TTYH1: variants seen among roughly 807,000 people sequenced by gnomAD.
TTYH1 encodes the protein tweety family member 1, also known as protein tweety homolog 1.
TTYH1 carries 33 observed loss-of-function variants against 61.2 expected under a neutral mutation model. That is an observed-to-expected ratio of 0.54 (90% CI 0.41 to 0.72). The LOEUF (loss-of-function observed/expected upper bound fraction) is 0.72. Ranked by LOEUF, TTYH1 falls within the 30% of genes least tolerant of loss-of-function variation. The pLI, the probability that TTYH1 is intolerant of heterozygous loss-of-function variation, is 0.00. For synonymous variants in TTYH1, 308 were observed against 266.4 expected, an observed-to-expected ratio of 1.16 and a Z score of -1.52; for missense variants, 538 against 575.8, an observed-to-expected ratio of 0.93 and a Z score of 0.67.
Position 54,429,520 on chromosome 19 carries a change from C to T in TTYH1, c.807+141C>T. The T allele has an allele frequency of 1.3e-6, 1 of 787,180 alleles. No homozygotes were observed. The highest frequency in any genetic ancestry group is 1.6e-5 in the South Asian group (1 of 62,880). 48.8% of individuals were successfully genotyped at this position (787,180 alleles called of 1,614,324 possible). A position where few individuals can be genotyped will look rare whatever the true frequency, so the allele number is the denominator to read the frequency against. On this transcript the variant is annotated intron_variant, in intron 6 of 13. Coordinates refer to ENST00000376530, the MANE Select transcript of TTYH1 (RefSeq NM_020659.4). This position sits in a 1 kb window ranked among gnomAD's most constrained non-coding sequence, Gnocchi z 5.1. ...AGCTCTGAGGTTTAGGGCTTGTTTC[C>T]TGGGGCCTGAGTGGGTACAGATTGG...
Position 54,436,668 on chromosome 19 carries a change from T to C in TTYH1, c.*378T>C. 2.0e-6 allele frequency: 1 copy of C among 501,922 alleles called. No individual in the cohort carries two copies. The highest frequency in any genetic ancestry group is 3.6e-6 in the Non-Finnish European group (1 of 280,456). 31.1% of individuals were successfully genotyped at this position (501,922 alleles called of 1,614,324 possible). A position where few individuals can be genotyped will look rare whatever the true frequency, so the allele number is the denominator to read the frequency against. On this transcript the variant is annotated 3_prime_UTR_variant, in exon 14 of 14. Coordinates refer to ENST00000376530, the MANE Select transcript of TTYH1 (RefSeq NM_020659.4). This position sits in a 1 kb window ranked among gnomAD's most constrained non-coding sequence, Gnocchi z 4.3. ...ACCCCCTGATCTCAACTCGTGGCAC[T>C]AACTTGGAAAAGGGTTGATTTAAAA... is the stretch of plus-strand genomic sequence containing the variant.
In TTYH1 at chr19:54,416,599, C is replaced by T. The variant is rs530952348; in HGVS notation, c.126+921C>T. ...CCCTGGGCTCCGTCTTGGGTTGCTC[C>T]TGGGAGAAGGGGGCTGGGATTGGAG... On this transcript the variant is annotated intron_variant, in intron 1 of 13. Coordinates refer to ENST00000376530, the MANE Select transcript of TTYH1 (RefSeq NM_020659.4). The surrounding 1 kb of genome is among the most constrained non-coding windows in gnomAD (Gnocchi z 7.0). 1 of 503,254 alleles carries T rather than the reference C, an allele frequency of 2.0e-6. No homozygotes were observed. Among genetic ancestry groups the T allele is most frequent in the South Asian group, 1.9e-5 (1 of 51,434 alleles). The allele number at this position is 503,254 out of a possible 1,614,324, so 31.2% of individuals were successfully genotyped here. A position where few individuals can be genotyped will look rare whatever the true frequency, so the allele number is the denominator to read the frequency against.
chr19:54,419,290 G>A lies in TTYH1; in HGVS notation c.289G>A (p.Ala97Thr), dbSNP rs1171665390. The A allele has an allele frequency of 1.2e-5, 19 of 1,598,310 alleles. No homozygotes were observed. Among genetic ancestry groups the A allele is most frequent in the East Asian group, 6.7e-5 (3 of 44,750 alleles). The change falls in exon 2 of 14, where the codon GCC becomes ACC. Residue 97 changes from alanine to threonine, a missense_variant. Physicochemically the swap from Ala to Thr is moderately conservative, Grantham distance 58. This residue lies in a region of TTYH1 where 157 missense variants were observed against 157.0 expected (regional missense o/e 1.00). Transcript: ENST00000376530. This position sits in a 1 kb window ranked among gnomAD's most constrained non-coding sequence, Gnocchi z 6.1. The part of the protein sequence containing the change: ...GGCVTWSCIV[A>T]LLAGCTGIGI... ...CTGCGTCACCTGGAGCTGCATTGTC[G>A]CCCTTCTCGCCGGCTGGTAATGGGG...
chr19:54,426,379 A>G, intron 4 of TTYH1: 2 of 442,816 alleles, frequency 4.5e-6, no homozygotes, highest in Admixed American at 7.9e-5. Context: ...CTCGGAGAGA[A>G]CACATCACGT....
chr19:54,419,262 A>T lies in TTYH1; in HGVS notation c.261A>T (p.Gly87=). The T allele has an allele frequency of 6.3e-7, 1 of 1,581,490 alleles. No individual in the cohort carries two copies. Among genetic ancestry groups the T allele is most frequent in the Non-Finnish European group, 8.6e-7 (1 of 1,164,332 alleles). ...PPGSKIPSPG[G]GCVTWSCIVA... is the part of the protein sequence containing the mutation. ...GGTCCAAGATCCCCTCGCCCGGGGG[A>T]GGCTGCGTCACCTGGAGCTGCATTG... Residue 87 remains glycine, a synonymous_variant, in exon 2 of 14, where the codon GGA becomes GGT. Transcript: ENST00000376530. The surrounding 1 kb of genome is among the most constrained non-coding windows in gnomAD (Gnocchi z 6.1).
chr19:54,421,256 TCTCC>T lies in TTYH1; in HGVS notation c.306-16_306-13del. 2.6e-6 allele frequency: 4 copies of T among 1,561,762 alleles called. No individual in the cohort carries two copies. The highest frequency in any genetic ancestry group is 2.2e-5 in the East Asian group (1 of 44,598). On this transcript the variant is annotated splice_polypyrimidine_tract_variant and intron_variant, in intron 2 of 13. Coordinates refer to ENST00000376530, the MANE Select transcript of TTYH1 (RefSeq NM_020659.4). This position sits in a 1 kb window ranked among gnomAD's most constrained non-coding sequence, Gnocchi z 4.8. ...GGGTCCTGGGACCCGCTGAGATTCC[TCTCC>T]CTCCTCCTCCGCTCAGCACTGGCAT...
At chr19:54,425,917 T>A (rs1210535272) in intron 4 of TTYH1, among the ~76,000 whole-genome samples, 1 of 152,016 alleles carries the variant, frequency 6.6e-6, no homozygotes, top group African/African-American at 2.4e-5. Flanking sequence ...GGTTTCACCA[T>A]GTTGGCCAGG....
In TTYH1 at chr19:54,435,858, C is replaced by T; in HGVS notation, c.1299C>T (p.Asp433=). 1 of 1,611,130 alleles carries T rather than the reference C, an allele frequency of 6.2e-7. No individual in the cohort carries two copies. The highest frequency in any genetic ancestry group is 8.5e-7 in the Non-Finnish European group (1 of 1,179,970). The part of the protein sequence containing the change: ...SDDYDDTDDD[D]PFNPQESKRF... ...ACTACGATGACACAGACGATGACGA[C>T]CCTTTCAACCCTCAGGTACTGGATG... The change falls in exon 12 of 14, where the codon GAC becomes GAT. Residue 433 remains aspartate (D), a synonymous_variant. Transcript: ENST00000376530.
intron 4 of TTYH1, among the ~76,000 whole-genome samples, chr19:54,425,828 G>T (rs570509885): frequency 3.3e-5 from 5 of 152,042 alleles, no homozygotes; most frequent in South Asian, 2.1e-4. Flanking sequence ...TGATTCTCCT[G>T]CCTCAGCCTC....
chr19:54,430,912 G>A lies in TTYH1; in HGVS notation c.1032+7G>A. 6.2e-7 allele frequency: 1 copy of A among 1,611,608 alleles called. No individual in the cohort carries two copies. The highest frequency in any genetic ancestry group is 8.5e-7 in the Non-Finnish European group (1 of 1,179,746). ...TCAGTTCCCTTCAGCGCAGGTCGGT[G>A]GGTGGGCGCTCCCCAGACACGCGGA... On this transcript the variant is annotated splice_region_variant and intron_variant, in intron 9 of 13. Coordinates refer to ENST00000376530, the MANE Select transcript of TTYH1 (RefSeq NM_020659.4).
Position 54,436,005 on chromosome 19 carries a change from AG to A in TTYH1, c.1315-83del. The stretch of plus-strand genomic sequence containing the variant: ...GCTGGGGCCCGGACTCCTGGGTCTG[AG>A]GGAGGAGGGGCTGGGGTCCCACAGT... On this transcript the variant is annotated intron_variant, in intron 12 of 13. Coordinates refer to ENST00000376530, the MANE Select transcript of TTYH1 (RefSeq NM_020659.4). The surrounding 1 kb of genome is among the most constrained non-coding windows in gnomAD (Gnocchi z 4.3). The A allele has an allele frequency of 1.3e-6, 2 of 1,574,760 alleles. No individual in the cohort carries two copies. The highest frequency in any genetic ancestry group is 1.7e-6 in the Non-Finnish European group (2 of 1,146,000).
In TTYH1 at chr19:54,416,208, C is replaced by CT; in HGVS notation, c.126+531dup. The CT allele has an allele frequency of 1.8e-6, 1 of 541,686 alleles. No homozygotes were observed. The highest frequency in any genetic ancestry group is 3.1e-6 in the Non-Finnish European group (1 of 319,584). 33.6% of individuals were successfully genotyped at this position (541,686 alleles called of 1,614,324 possible). A position where few individuals can be genotyped will look rare whatever the true frequency, so the allele number is the denominator to read the frequency against. ...GGGCTTCAGGGGCTGAGGACCAGGG[C>CT]TGGAAAATGAAGGGGCTCTGGGAGA... On this transcript the variant is annotated intron_variant, in intron 1 of 13. Transcript: ENST00000376530. The surrounding 1 kb of genome is among the most constrained non-coding windows in gnomAD (Gnocchi z 7.0).
chr19:54,431,235 C>G, intron 10 of TTYH1, 44 bp downstream of exon 10: 2 of 1,411,188 alleles, frequency 1.4e-6, no homozygotes, highest in Non-Finnish European at 2.0e-6. Context: ...CGGGGGGCCT[C>G]TGTCTCGACC....
intron 10 of TTYH1, chr19:54,432,502 A>C (rs985067280): frequency 5.3e-5 from 8 of 152,240 alleles, no homozygotes; most frequent in African/African-American, 1.9e-4. Context: ...GGAGAGAGGG[A>C]CCTTCCGGAG....
Position 54,429,260 on chromosome 19 carries a change from G to A in TTYH1, c.735-47G>A. 2 of 1,572,638 alleles carry A rather than the reference G, an allele frequency of 1.3e-6. No homozygotes were observed. Among genetic ancestry groups the A allele is most frequent in the Non-Finnish European group, 8.8e-7 (1 of 1,142,336 alleles). On this transcript the variant is annotated intron_variant, in intron 5 of 13. Coordinates refer to ENST00000376530, the MANE Select transcript of TTYH1 (RefSeq NM_020659.4). The surrounding 1 kb of genome is among the most constrained non-coding windows in gnomAD (Gnocchi z 5.1). ...GATTTGGGGTGTGGAAAGAGGCTAG[G>A]CTAGGAGATTAAGAACCCCGGGCTG...
chr19:54,420,339 G>C lies in TTYH1; in HGVS notation c.306-938G>C, dbSNP rs867037340. Among the ~76,000 whole-genome samples the C allele has an allele frequency of 7.2e-5, 11 of 152,258 alleles. No homozygotes were observed. The highest frequency in any genetic ancestry group is 4.1e-4 in the South Asian group (2 of 4,824). On this transcript the variant is annotated intron_variant, in intron 2 of 13. Transcript: ENST00000376530. The surrounding 1 kb of genome is among the most constrained non-coding windows in gnomAD (Gnocchi z 4.8). ...GCTTCCTCCTCCGGCTCTCTGGCGTGGGGGGAGACAGGGGAGGTGGACAAA... is the reference window on the plus strand; with the variant it reads ...GCTTCCTCCTCCGGCTCTCTGGCGTCGGGGGAGACAGGGGAGGTGGACAAA...
At chr19:54,425,939 C>T (rs2083312671) in intron 4 of TTYH1, among the ~76,000 whole-genome samples, 1 of 152,170 alleles carries the variant, frequency 6.6e-6, no homozygotes, top group Non-Finnish European at 1.5e-5. Flanking sequence ...TGGTCTCAAA[C>T]TCCTGACCTC....
At position 54,436,259 on chromosome 19, in the gene TTYH1, C is replaced by A; in HGVS notation, c.*43-74C>A. The A allele has an allele frequency of 6.2e-7, 1 of 1,608,958 alleles. No individual in the cohort carries two copies. The highest frequency in any genetic ancestry group is 8.5e-7 in the Non-Finnish European group (1 of 1,175,794). ...AGCTGCTCCAGGCATGGGCTGCGTG[C>A]CTCCTGCTGGGTGGATCGCACCGGG... On this transcript the variant is annotated intron_variant, in intron 13 of 13. Transcript: ENST00000376530. This position sits in a 1 kb window ranked among gnomAD's most constrained non-coding sequence, Gnocchi z 4.3.
intron 10 of TTYH1, chr19:54,433,173 T>C (rs1599917712): frequency 6.6e-6 from 1 of 152,256 alleles, no homozygotes; most frequent in Non-Finnish European, 1.5e-5. Flanking sequence ...AGAGGACAGA[T>C]CACTCTACCC....
Sources: gnomAD v4.1 joint callset for allele counts (sites outside exome capture counted in the v4.1 genomes callset) on GRCh38, gnomAD v4.1.1 for gene constraint, gnomAD v4.1.1 regional missense constraint, Gnocchi (gnomAD v3.1) non-coding constraint, MANE v1.5 for transcripts, NCBI Gene and HGNC (gene_info 2026-07-23, HGNC 2026-07-21) for gene names.